CFAP97D2: variants seen among roughly 807,000 people sequenced by gnomAD.
CFAP97D2 encodes uncharacterized protein CFAP97D2.
At chr13:114,188,635 G>A (rs1266212426) in intron 1 of CFAP97D2, among the ~76,000 whole-genome samples, 1 of 151,854 alleles carries the variant, frequency 6.6e-6, no homozygotes, top group Admixed American at 6.6e-5. Flanking sequence ...AAATTAGACG[G>A]GTGTGGTGGT....
chr13:114,206,170 C>T (rs1263351721), intron 3 of CFAP97D2, among the ~76,000 whole-genome samples: 1 of 147,836 alleles, frequency 6.8e-6, no homozygotes, highest in Non-Finnish European at 1.5e-5. Flanking sequence ...GTGGCACAAT[C>T]TCGGCTCACT....
intron 4 of CFAP97D2, among the ~76,000 whole-genome samples, chr13:114,219,966 G>A (rs2081012936): frequency 1.3e-5 from 2 of 152,022 alleles, no homozygotes; most frequent in Admixed American, 6.5e-5. Flanking sequence ...ACGTGAATGC[G>A]TCTCTCGGTG....
chr13:114,220,839 G>A (rs878937144), intron 4 of CFAP97D2, among the ~76,000 whole-genome samples: 2 of 152,228 alleles, frequency 1.3e-5, no homozygotes, highest in Admixed American at 1.3e-4. Flanking sequence ...CATCATCTCG[G>A]ACAAAAGCTC....
chr13:114,198,878 C>G (rs1442193851), intron 2 of CFAP97D2, among the ~76,000 whole-genome samples: 2 of 56,896 alleles, frequency 3.5e-5, no homozygotes, highest in Non-Finnish European at 5.7e-5. Context: ...GGTGACGGCG[C>G]GTCCCCGTGT....
At chr13:114,180,156 T>C (rs1285750445) in intron 1 of CFAP97D2, among the ~76,000 whole-genome samples, 1 of 152,282 alleles carries the variant, frequency 6.6e-6, no homozygotes, top group Middle Eastern at 3.2e-3. Flanking sequence ...ATGTTCCATG[T>C]ATCATGTCTC....
At chr13:114,213,436 G>T (rs1180281689) in intron 4 of CFAP97D2, among the ~76,000 whole-genome samples, 1 of 138,422 alleles carries the variant, frequency 7.2e-6, no homozygotes, top group Non-Finnish European at 1.5e-5. Flanking sequence ...ACCCATCCCT[G>T]TGGAAGCTCC....
intron 4 of CFAP97D2, chr13:114,212,107 C>T (rs9562153): frequency 0.079 from 31,374 of 398,460 alleles, 3,399 homozygotes; most frequent in East Asian, 0.42. Flanking sequence ...AAAAGGTACC[C>T]GCACCTTCTT....
chr13:114,200,842 C>T (rs1052808960), intron 3 of CFAP97D2, among the ~76,000 whole-genome samples: 32 of 152,286 alleles, frequency 2.1e-4, no homozygotes, highest in South Asian at 1.5e-3. Context: ...AGTTCGGCGG[C>T]GGAGGAACAC....
intron 4 of CFAP97D2, among the ~76,000 whole-genome samples, chr13:114,217,667 C>G (rs2081001647): frequency 6.6e-6 from 1 of 152,192 alleles, no homozygotes; most frequent in East Asian, 1.9e-4. Flanking sequence ...CATCAAAAAG[C>G]TTATCCACCA....
At chr13:114,202,015 C>A (rs939427181) in intron 3 of CFAP97D2, among the ~76,000 whole-genome samples, 1 of 152,226 alleles carries the variant, frequency 6.6e-6, no homozygotes, top group African/African-American at 2.4e-5. Flanking sequence ...TTTCCCTGAG[C>A]CTTTCGGTCC....
intron 1 of CFAP97D2, among the ~76,000 whole-genome samples, chr13:114,191,495 A>G (rs2080869381): frequency 1.3e-5 from 2 of 152,260 alleles, no homozygotes. Flanking sequence ...GAAAATATAT[A>G]GGTGGCAAAT....
intron 4 of CFAP97D2, among the ~76,000 whole-genome samples, chr13:114,214,754 ATTTG>A (rs938496045): frequency 6.9e-4 from 105 of 152,172 alleles, no homozygotes; most frequent in African/African-American, 2.4e-3. Flanking sequence ...ACCCGGCCAT[ATTTG>A]TTTGTTTAAA....
At chr13:114,209,557 A>C (rs1311177710) in intron 3 of CFAP97D2, among the ~76,000 whole-genome samples, 1 of 152,212 alleles carries the variant, frequency 6.6e-6, no homozygotes, top group Non-Finnish European at 1.5e-5. Flanking sequence ...ATGGAGAGGA[A>C]GGTCCTGATG....
chr13:114,204,008 T>C (rs1187487383), intron 3 of CFAP97D2, among the ~76,000 whole-genome samples: 1 of 152,236 alleles, frequency 6.6e-6, no homozygotes, highest in Non-Finnish European at 1.5e-5. Context: ...GTAGTAGGAC[T>C]CATGTGTCCT....
At chr13:114,202,141 T>C (rs2080920808) in intron 3 of CFAP97D2, among the ~76,000 whole-genome samples, 1 of 152,248 alleles carries the variant, frequency 6.6e-6, no homozygotes, top group South Asian at 2.1e-4. Context: ...TCAGTTAGCA[T>C]AACGTTGAGT....
chr13:114,179,616 T>C lies in CFAP97D2; in HGVS notation c.90+196T>C, dbSNP rs1406662705. Among the ~76,000 whole-genome samples, 2 of 151,994 alleles carry C rather than the reference T, an allele frequency of 1.3e-5. No homozygotes were observed. Among genetic ancestry groups the C allele is most frequent in the Admixed American group, 1.3e-4 (2 of 15,264 alleles). ...AAATCTCATTAAATAGTTGACGGCT[T>C]TCTTTCTTTCTTTTTTTTTTTTGAG... On this transcript the variant is annotated intron_variant, in intron 1 of 4. Coordinates refer to ENST00000646158, the Ensembl canonical transcript of CFAP97D2. This position sits in a 1 kb window ranked among gnomAD's most constrained non-coding sequence, Gnocchi z 4.8.
At chr13:114,201,425 G>T (rs549841367) in intron 3 of CFAP97D2, among the ~76,000 whole-genome samples, 1 of 152,300 alleles carries the variant, frequency 6.6e-6, no homozygotes, top group Non-Finnish European at 1.5e-5. Flanking sequence ...GATACAGGAA[G>T]ATTGCAGGCC....
At chr13:114,196,405 G>A (rs746658769) in exon 2 of CFAP97D2, 167 of 399,498 alleles carry the variant, frequency 4.2e-4, no homozygotes, top group Non-Finnish European at 6.3e-4. Context: ...GGTCCAGAGC[G>A]CCCAGCCGCT....
At chr13:114,180,836 G>C (rs1188113974) in intron 1 of CFAP97D2, among the ~76,000 whole-genome samples, 1 of 152,234 alleles carries the variant, frequency 6.6e-6, no homozygotes. Context: ...GAGGTAGCTG[G>C]TCAGTAATCC....
Sources: gnomAD v4.1 joint callset for allele counts (sites outside exome capture counted in the v4.1 genomes callset) on GRCh38, gnomAD v4.1.1 for gene constraint, Gnocchi (gnomAD v3.1) non-coding constraint, MANE v1.5 for transcripts, NCBI Gene and HGNC (gene_info 2026-07-23, HGNC 2026-07-21) for gene names.